Variants in PIK3CG observed in about 807,000 individuals in gnomAD.
PIK3CG encodes the protein phosphatidylinositol-4,5-bisphosphate 3-kinase catalytic subunit gamma.
PIK3CG carries 55 observed loss-of-function variants against 102.3 expected under a neutral mutation model. That is an observed-to-expected ratio of 0.54 (90% CI 0.43 to 0.67). The LOEUF (loss-of-function observed/expected upper bound fraction) is 0.67, where lower values mean the gene tolerates loss of function less well. Ranked by LOEUF, PIK3CG falls within the 30% of genes least tolerant of loss-of-function variation. PIK3CG has a pLI of 0.00. For synonymous variants in PIK3CG, 552 were observed against 540.0 expected (o/e 1.02, Z -0.31); for missense variants, 1,258 against 1,391.8 (o/e 0.90, Z 1.53).
chr7:106,882,211 T>C lies in PIK3CG; in HGVS notation c.2629+4T>C, dbSNP rs1400432124. 1.3e-6 allele frequency: 2 copies of C among 1,499,048 alleles called. No individual in the cohort carries two copies. Among genetic ancestry groups the C allele is most frequent in the Admixed American group, 1.9e-5 (1 of 53,526 alleles). 92.9% of individuals were successfully genotyped at this position (1,499,048 alleles called of 1,614,324 possible). On this transcript the variant is annotated splice_donor_region_variant and intron_variant, in intron 7 of 10. Transcript: ENST00000496166. The stretch of plus-strand genomic sequence containing the variant: ...ATTTCAACTGGTGACAAAATAGGTA[T>C]GTAGTTACCTCAGGAGATGAATAGA...
chr7:106,905,477 A>G lies in PIK3CG; in HGVS notation c.*90A>G, dbSNP rs2116621033. 8.2e-7 allele frequency: 1 copy of G among 1,215,484 alleles called. No homozygotes were observed. The highest frequency in any genetic ancestry group is 1.2e-6 in the Non-Finnish European group (1 of 862,006). The allele number at this position is 1,215,484 out of a possible 1,614,324, so 75.3% of individuals were successfully genotyped here. Reference sequence around the variant, plus strand: ...AACTTGGATTTCAAATGCAATAGACATTGTGAAAGCTGGCATTTCAGAAGT... The same window carrying G: ...AACTTGGATTTCAAATGCAATAGACGTTGTGAAAGCTGGCATTTCAGAAGT... On this transcript the variant is annotated 3_prime_UTR_variant, in exon 11 of 11. Coordinates refer to ENST00000496166, the MANE Select transcript of PIK3CG (RefSeq NM_001282426.2). The surrounding 1 kb of genome is among the most constrained non-coding windows in gnomAD (Gnocchi z 5.6).
rs1275422372 is a variant in PIK3CG at position 106,879,465 on chromosome 7, C to A, written c.2392-54C>A. ...TTTGCAAGAGAATTTGTGTCTCCACCATGTATATTCGTTATTCATTGTGTG... is the reference window on the plus strand; with the variant it reads ...TTTGCAAGAGAATTTGTGTCTCCACAATGTATATTCGTTATTCATTGTGTG... On this transcript the variant is annotated intron_variant, in intron 5 of 10. Coordinates refer to ENST00000496166, the MANE Select transcript of PIK3CG (RefSeq NM_001282426.2). The surrounding 1 kb of genome is among the most constrained non-coding windows in gnomAD (Gnocchi z 4.9). 3 of 1,393,406 alleles carry A rather than the reference C, an allele frequency of 2.2e-6. No individual in the cohort carries two copies. Among genetic ancestry groups the A allele is most frequent in the Non-Finnish European group, 3.1e-6 (3 of 982,218 alleles). 86.3% of individuals were successfully genotyped at this position (1,393,406 alleles called of 1,614,324 possible).
rs752394930 is a variant in PIK3CG, at chr7:106,895,791, T to C, written c.3031-9318T>C. On this transcript the variant is annotated intron_variant, in intron 10 of 10. Transcript: ENST00000496166. This position sits in a 1 kb window ranked among gnomAD's most constrained non-coding sequence, Gnocchi z 5.4. ...TCTCACCACAACAACATGAAATGGG[T>C]ATCATTCTTATTATTCTTAATCTAT... 3.9e-5 allele frequency among the ~76,000 whole-genome samples: 6 copies of C among 152,214 alleles called. No individual in the cohort carries two copies. The highest frequency in any genetic ancestry group is 5.9e-5 in the Non-Finnish European group (4 of 68,034).
intron 2 of PIK3CG, among the ~76,000 whole-genome samples, chr7:106,871,742 C>T (rs1458417385): frequency 2.0e-5 from 3 of 152,210 alleles, no homozygotes; most frequent in Non-Finnish European, 4.4e-5. Flanking sequence ...CAATGAAACA[C>T]CTATGCACTC....
In PIK3CG at chr7:106,868,862, A is replaced by G. The variant is rs777473829; in HGVS notation, c.1301A>G (p.Tyr434Cys). ...GGGGCTCTACTGAACCTCCAGATCT[A>G]CTGCGGTAAAGCTCCAGCACTGTCC... ...PKGALLNLQIYCGKAPALSSK... is the reference protein window; with the variant it reads ...PKGALLNLQICCGKAPALSSK... The change falls in exon 2 of 11, where the codon TAC becomes TGC. Residue 434 changes from tyrosine (Y) to cysteine (C), a missense_variant. Around this residue, in one of 2 missense-constraint regions of PIK3CG, gnomAD observed 832 missense variants for 787.5 expected, o/e 1.06. Coordinates refer to ENST00000496166, the MANE Select transcript of PIK3CG (RefSeq NM_001282426.2). This position sits in a 1 kb window ranked among gnomAD's most constrained non-coding sequence, Gnocchi z 6.2. 2 of 1,614,226 alleles carry G rather than the reference A, an allele frequency of 1.2e-6. No individual in the cohort carries two copies. Among genetic ancestry groups the G allele is most frequent in the Non-Finnish European group, 1.7e-6 (2 of 1,180,038 alleles).
rs926914728 is a variant in PIK3CG, at chr7:106,884,953, G to A, written c.2872+687G>A. Among the ~76,000 whole-genome samples, 8 of 152,224 alleles carry A rather than the reference G, an allele frequency of 5.3e-5. No individual in the cohort carries two copies. Among genetic ancestry groups the A allele is most frequent in the African/African-American group, 1.7e-4 (7 of 41,538 alleles). On this transcript the variant is annotated intron_variant, in intron 9 of 10. Transcript: ENST00000496166. The surrounding 1 kb of genome is among the most constrained non-coding windows in gnomAD (Gnocchi z 4.2). ...GGGGTGCACAGTCTAGATCTTTCTC[G>A]TGCACAGTTCACAATAGGGTTTGTG...
At position 106,884,457 on chromosome 7, in the gene PIK3CG, A is replaced by G. The variant is rs896469753; in HGVS notation, c.2872+191A>G. Among the ~76,000 whole-genome samples, 1 of 152,188 alleles carries G rather than the reference A, an allele frequency of 6.6e-6. No individual in the cohort carries two copies. The highest frequency in any genetic ancestry group is 1.5e-5 in the Non-Finnish European group (1 of 68,034). ...CTTCCCCAGCTGAAACTCTGTACCC[A>G]TTAAACACTAACTCCCCATGCCTCC... is the stretch of plus-strand genomic sequence containing the variant. On this transcript the variant is annotated intron_variant, in intron 9 of 10. Coordinates refer to ENST00000496166, the MANE Select transcript of PIK3CG (RefSeq NM_001282426.2). This position sits in a 1 kb window ranked among gnomAD's most constrained non-coding sequence, Gnocchi z 4.2.
rs1040757913 is a variant in PIK3CG at position 106,879,404 on chromosome 7, C to T, written c.2392-115C>T. 5 of 865,060 alleles carry T rather than the reference C, an allele frequency of 5.8e-6. No homozygotes were observed. Among genetic ancestry groups the T allele is most frequent in the African/African-American group, 3.4e-5 (2 of 58,832 alleles). The allele number at this position is 865,060 out of a possible 1,614,324, so 53.6% of individuals were successfully genotyped here. On this transcript the variant is annotated intron_variant, in intron 5 of 10. Coordinates refer to ENST00000496166, the MANE Select transcript of PIK3CG (RefSeq NM_001282426.2). This position sits in a 1 kb window ranked among gnomAD's most constrained non-coding sequence, Gnocchi z 4.9. ...TACCCAAATATTGAAAATCATTCTCCAACTAGGACTTTGTCCTTGTTGTTT... is the reference window on the plus strand; with the variant it reads ...TACCCAAATATTGAAAATCATTCTCTAACTAGGACTTTGTCCTTGTTGTTT...
At position 106,892,715 on chromosome 7, in the gene PIK3CG, G is replaced by C. The variant is rs531299600; in HGVS notation, c.3030+6423G>C. Among the ~76,000 whole-genome samples, 146 of 152,170 alleles carry C rather than the reference G, an allele frequency of 9.6e-4. No homozygotes were observed. The highest frequency in any genetic ancestry group is 1.8e-3 in the Non-Finnish European group (123 of 68,024). The stretch of plus-strand genomic sequence containing the variant: ...ACCTTGTGCTAAGAGTGTCCACAGT[G>C]GTTTGCAGAGGGAGCAATTAATCCT... On this transcript the variant is annotated intron_variant, in intron 10 of 10. Coordinates refer to ENST00000496166, the MANE Select transcript of PIK3CG (RefSeq NM_001282426.2). This position sits in a 1 kb window ranked among gnomAD's most constrained non-coding sequence, Gnocchi z 5.2.
rs1791399364 is a variant in PIK3CG at position 106,896,003 on chromosome 7, T to A, written c.3031-9106T>A. 3.3e-5 allele frequency among the ~76,000 whole-genome samples: 5 copies of A among 152,336 alleles called. No homozygotes were observed. In the East Asian group the frequency reaches 9.6e-4, roughly 29 times the overall value. ...GTACAGCCCATCAGAATCTCGACAC[T>A]GTGTTTGACAAGCATGGGACGTGCA... On this transcript the variant is annotated intron_variant, in intron 10 of 10. Transcript: ENST00000496166.
At chr7:106,873,262 A>T (rs1254924832) in intron 4 of PIK3CG, among the ~76,000 whole-genome samples, 1 of 152,246 alleles carries the variant, frequency 6.6e-6, no homozygotes, top group Non-Finnish European at 1.5e-5. Context: ...CACATCTCTG[A>T]ATATGCACAT....
In PIK3CG at chr7:106,899,162, G is replaced by A. The variant is rs962742060; in HGVS notation, c.3031-5947G>A. On this transcript the variant is annotated intron_variant, in intron 10 of 10. Transcript: ENST00000496166. The surrounding 1 kb of genome is among the most constrained non-coding windows in gnomAD (Gnocchi z 4.6). ...GGATTGCCTTTCTGATTTGGCTCTTGGTTTGGCTGTTGTTGGTGTATAGGA... is the reference window on the plus strand; with the variant it reads ...GGATTGCCTTTCTGATTTGGCTCTTAGTTTGGCTGTTGTTGGTGTATAGGA... Among the ~76,000 whole-genome samples the A allele has an allele frequency of 2.0e-5, 3 of 151,940 alleles. No homozygotes were observed. Among genetic ancestry groups the A allele is most frequent in the Non-Finnish European group, 4.4e-5 (3 of 67,940 alleles).
rs2116618236 is a variant in PIK3CG, at chr7:106,905,219, C to T, written c.3141C>T (p.Asp1047=). ...TGMPQLTSKE[D]IEYIRDALTV... ...TGCCCCAGTTAACAAGCAAAGAAGA[C>T]ATTGAATATATCCGGGATGCCCTCA... The change falls in exon 11 of 11, where the codon GAC becomes GAT. Residue 1047 remains aspartate, a synonymous_variant. Transcript: ENST00000496166. This position sits in a 1 kb window ranked among gnomAD's most constrained non-coding sequence, Gnocchi z 5.6. 3.7e-6 allele frequency: 6 copies of T among 1,614,100 alleles called. No individual in the cohort carries two copies. The highest frequency in any genetic ancestry group is 5.1e-6 in the Non-Finnish European group (6 of 1,179,986).
At position 106,872,410 on chromosome 7, in the gene PIK3CG, T is replaced by A; in HGVS notation, c.1996-127T>A. 1.3e-6 allele frequency: 1 copy of A among 756,488 alleles called. No homozygotes were observed. The highest frequency in any genetic ancestry group is 2.3e-6 in the Non-Finnish European group (1 of 439,544). The allele number at this position is 756,488 out of a possible 1,614,324, so 46.9% of individuals were successfully genotyped here. A position where few individuals can be genotyped will look rare whatever the true frequency, so the allele number is the denominator to read the frequency against. ...AGACAGGATTAAACTTAAGTGACTGTTAAGATTTTCATCTTTCTAGCCGTG... is the reference window on the plus strand; with the variant it reads ...AGACAGGATTAAACTTAAGTGACTGATAAGATTTTCATCTTTCTAGCCGTG... On this transcript the variant is annotated intron_variant, in intron 2 of 10. Coordinates refer to ENST00000496166, the MANE Select transcript of PIK3CG (RefSeq NM_001282426.2). This position sits in a 1 kb window ranked among gnomAD's most constrained non-coding sequence, Gnocchi z 5.3.
rs1030013667 is a variant in PIK3CG, at chr7:106,867,668, A to G, written c.107A>G (p.Glu36Gly). 1 of 1,613,306 alleles carries G rather than the reference A, an allele frequency of 6.2e-7. No individual in the cohort carries two copies. The highest frequency in any genetic ancestry group is 8.5e-7 in the Non-Finnish European group (1 of 1,179,988). The change falls in exon 2 of 11, where the codon GAG (glutamate) becomes GGG (glycine). Residue 36 changes from glutamate to glycine, a missense_variant. Around this residue, in one of 2 missense-constraint regions of PIK3CG, gnomAD observed 832 missense variants for 787.5 expected, o/e 1.06. Transcript: ENST00000496166. The surrounding 1 kb of genome is among the most constrained non-coding windows in gnomAD (Gnocchi z 5.1). The stretch of plus-strand genomic sequence containing the variant: ...GCTGCGGCCAGCCTGTCCTCCATGG[A>G]GCTCATCCCCATCGAGTTCGTGCTG... ...RSAAASLSSM[E>G]LIPIEFVLPT...
At position 106,868,416 on chromosome 7, in the gene PIK3CG, G is replaced by A. The variant is rs144765743; in HGVS notation, c.855G>A (p.Thr285=). The A allele has an allele frequency of 3.1e-6, 5 of 1,614,072 alleles. No homozygotes were observed. The highest frequency in any genetic ancestry group is 2.7e-5 in the African/African-American group (2 of 74,934). Residue 285 remains threonine, a synonymous_variant, in exon 2 of 11, where the codon ACG becomes ACA. Transcript: ENST00000496166. This position sits in a 1 kb window ranked among gnomAD's most constrained non-coding sequence, Gnocchi z 6.2. Reference sequence around the variant, plus strand: ...GGGATGAGTACCTGGTGGGCGAAACGCCCATCAAAAACTTCCAGTGGGTGA... The same window carrying A: ...GGGATGAGTACCTGGTGGGCGAAACACCCATCAAAAACTTCCAGTGGGTGA... ...CGRDEYLVGE[T]PIKNFQWVRH... is the part of the protein sequence containing the mutation.
chr7:106,873,953 T>C (rs1181016818), intron 4 of PIK3CG, among the ~76,000 whole-genome samples: 1 of 152,154 alleles, frequency 6.6e-6, no homozygotes, highest in Non-Finnish European at 1.5e-5. Flanking sequence ...CTAGAGAATA[T>C]CTCTTTTTCA....
rs180674591 is a variant in PIK3CG at position 106,871,390 on chromosome 7, G to A, written c.1996-1147G>A. 2.5e-3 allele frequency among the ~76,000 whole-genome samples: 375 copies of A among 152,292 alleles called. 3 individuals are homozygous for A. The highest frequency in any genetic ancestry group is 8.3e-3 in the African/African-American group (347 of 41,562). On this transcript the variant is annotated intron_variant, in intron 2 of 10. Coordinates refer to ENST00000496166, the MANE Select transcript of PIK3CG (RefSeq NM_001282426.2). ...ACCTATTTGACCATACTTTTGAAAA[G>A]CATTTTTGTAAACACTTGTATAATT...
chr7:106,894,150 C>A lies in PIK3CG; in HGVS notation c.3030+7858C>A, dbSNP rs1265021650. Among the ~76,000 whole-genome samples the A allele has an allele frequency of 3.3e-5, 5 of 151,996 alleles. No individual in the cohort carries two copies. The highest frequency in any genetic ancestry group is 1.5e-5 in the Non-Finnish European group (1 of 67,970). ...AACCCATTGTGGATTGTTTCCTTTC[C>A]TTTTTTCAGCCAATTCTAACTAATG... is the stretch of plus-strand genomic sequence containing the variant. On this transcript the variant is annotated intron_variant, in intron 10 of 10. Transcript: ENST00000496166. This position sits in a 1 kb window ranked among gnomAD's most constrained non-coding sequence, Gnocchi z 4.4.
Sources: gnomAD v4.1 joint callset for allele counts (sites outside exome capture counted in the v4.1 genomes callset) on GRCh38, gnomAD v4.1.1 for gene constraint, gnomAD v4.1.1 regional missense constraint, Gnocchi (gnomAD v3.1) non-coding constraint, MANE v1.5 for transcripts, NCBI Gene and HGNC (gene_info 2026-07-23, HGNC 2026-07-21) for gene names.